The following TRAPPC3L variants were observed in gnomAD, a reference collection of about 807,000 sequenced individuals.
TRAPPC3L encodes trafficking protein particle complex subunit 3-like protein.
TRAPPC3L carries 23 observed loss-of-function variants against 23.7 expected under a neutral mutation model. The observed-to-expected ratio is 0.97, with a 90% confidence interval of 0.70 to 1.37. TRAPPC3L has a LOEUF of 1.37. Ranked by LOEUF, TRAPPC3L falls within the 40% of genes most tolerant of loss-of-function variation. TRAPPC3L has a pLI of 0.00. For missense variants in TRAPPC3L, 212 were observed against 216.8 expected, an observed-to-expected ratio of 0.98 and a Z score of 0.14; for synonymous variants, 81 against 77.9, an observed-to-expected ratio of 1.04 and a Z score of -0.21.
At chr6:116,526,088 A>G (rs1193487046) in intron 3 of TRAPPC3L, among the ~76,000 whole-genome samples, 1 of 152,216 alleles carries the variant, frequency 6.6e-6, no homozygotes, top group Non-Finnish European at 1.5e-5. Context: ...ATATGCTTAC[A>G]AACTGATCCA....
rs1283125147 is a variant in TRAPPC3L, at chr6:116,495,148, C to T, written c.*1806G>A. 1 of 149,974 alleles carries T rather than the reference C, an allele frequency of 6.7e-6. No homozygotes were observed. Among genetic ancestry groups the T allele is most frequent in the African/African-American group, 2.5e-5 (1 of 40,610 alleles). 9.3% of individuals were successfully genotyped at this position (149,974 alleles called of 1,614,324 possible). A position where few individuals can be genotyped will look rare whatever the true frequency, so the allele number is the denominator to read the frequency against. Reference sequence around the variant, plus strand: ...TAACTATATTTTTGTACCCATTAACCATCTCCACTCCTCTTGAAACTACCC... The same window carrying T: ...TAACTATATTTTTGTACCCATTAACTATCTCCACTCCTCTTGAAACTACCC... On this transcript the variant is annotated 3_prime_UTR_variant, in exon 5 of 5. Transcript: ENST00000368602.
At chr6:116,504,869 A>G (rs1771976652) in intron 3 of TRAPPC3L, among the ~76,000 whole-genome samples, 1 of 152,202 alleles carries the variant, frequency 6.6e-6, no homozygotes, top group African/African-American at 2.4e-5. Context: ...AATGTATCTC[A>G]AAATAATAAG....
intron 3 of TRAPPC3L, chr6:116,520,295 ATTCTATTTAGAC>A (rs1772307953): frequency 6.6e-6 from 1 of 152,180 alleles, no homozygotes; most frequent in East Asian, 1.9e-4. Flanking sequence ...TAACTATATT[ATTCTATTTAGAC>A]TTTGGTGGTT....
chr6:116,510,768 A>G (rs1299343592), intron 3 of TRAPPC3L, among the ~76,000 whole-genome samples: 1 of 152,052 alleles, frequency 6.6e-6, no homozygotes, highest in Non-Finnish European at 1.5e-5. Context: ...CAATCTAAGT[A>G]CCCATCAACT....
chr6:116,518,888 A>G (rs969037687), intron 3 of TRAPPC3L: 5 of 152,246 alleles, frequency 3.3e-5, no homozygotes, highest in Non-Finnish European at 7.3e-5. Flanking sequence ...TAAGTAGCAG[A>G]AGAGCTCATC....
intron 3 of TRAPPC3L, chr6:116,512,146 G>A: frequency 6.2e-7 from 1 of 1,613,494 alleles, no homozygotes; most frequent in South Asian, 1.1e-5. Flanking sequence ...AAGAGTGCTG[G>A]GAAGAACTTC....
At chr6:116,502,183 A>G (rs1771927898) in intron 3 of TRAPPC3L, among the ~76,000 whole-genome samples, 1 of 152,208 alleles carries the variant, frequency 6.6e-6, no homozygotes, top group South Asian at 2.1e-4. Context: ...AGCTTAAATG[A>G]CCTGATGGAG....
At chr6:116,527,806 C>CCGGGTATCT (rs1772491455) in intron 3 of TRAPPC3L, among the ~76,000 whole-genome samples, 1 of 152,180 alleles carries the variant, frequency 6.6e-6, no homozygotes, top group Non-Finnish European at 1.5e-5. Context: ...CAAAACTTCT[C>CCGGGTATCT]CCCTAGGAGG....
At chr6:116,522,336 G>A (rs1185515633) in intron 3 of TRAPPC3L, 2 of 152,228 alleles carry the variant, frequency 1.3e-5, no homozygotes, top group Non-Finnish European at 2.9e-5. Flanking sequence ...ATAAATGTTT[G>A]TGGCTTTAAG....
chr6:116,535,685 T>C (rs1007160724), intron 3 of TRAPPC3L, among the ~76,000 whole-genome samples: 1 of 152,260 alleles, frequency 6.6e-6, no homozygotes, highest in African/African-American at 2.4e-5. Context: ...TATTTCATTA[T>C]TACAACTAAA....
At chr6:116,532,825 G>A (rs1045469144) in intron 3 of TRAPPC3L, among the ~76,000 whole-genome samples, 4 of 152,122 alleles carry the variant, frequency 2.6e-5, no homozygotes, top group African/African-American at 9.7e-5. Context: ...TCATAATAAA[G>A]GTAGGTTAAG....
At chr6:116,528,691 C>G (rs1339920363) in intron 3 of TRAPPC3L, among the ~76,000 whole-genome samples, 1 of 152,180 alleles carries the variant, frequency 6.6e-6, no homozygotes, top group Non-Finnish European at 1.5e-5. Context: ...GGAAAATGGT[C>G]TGACATTCAG....
At chr6:116,507,354 T>C (rs1283478174) in intron 3 of TRAPPC3L, among the ~76,000 whole-genome samples, 3 of 152,084 alleles carry the variant, frequency 2.0e-5, no homozygotes, top group African/African-American at 7.2e-5. Flanking sequence ...GGGAAAAATT[T>C]TGGAGTAGCT....
intron 4 of TRAPPC3L, among the ~76,000 whole-genome samples, chr6:116,498,164 G>A (rs1454208357): frequency 6.6e-6 from 1 of 152,120 alleles, no homozygotes; most frequent in African/African-American, 2.4e-5. Context: ...GGATATTTGG[G>A]GACACATGAG....
chr6:116,545,123 A>G (rs779263750), intron 1 of TRAPPC3L, among the ~76,000 whole-genome samples: 1 of 150,736 alleles, frequency 6.6e-6, no homozygotes, highest in African/African-American at 2.4e-5. Context: ...ATATACATAC[A>G]TACATATATA....
chr6:116,534,085 C>G (rs1394757373), intron 3 of TRAPPC3L, among the ~76,000 whole-genome samples: 1 of 150,758 alleles, frequency 6.6e-6, no homozygotes, highest in Non-Finnish European at 1.5e-5. Flanking sequence ...GTACTCAACT[C>G]TCACCCATAA....
chr6:116,516,184 G>T, intron 3 of TRAPPC3L: 1 of 619,790 alleles, frequency 1.6e-6, no homozygotes, highest in Non-Finnish European at 2.5e-6. Flanking sequence ...GCTGAGGGGT[G>T]ACAAAGGTGC....
chr6:116,523,725 C>G (rs542517440), intron 3 of TRAPPC3L: 1 of 152,076 alleles, frequency 6.6e-6, no homozygotes, highest in African/African-American at 2.4e-5. Context: ...TCCTAAGAAG[C>G]TAAACCTAAT....
rs1333031730 is a variant in TRAPPC3L at position 116,539,165 on chromosome 6, A to G, written c.240+1198T>C. Among the ~76,000 whole-genome samples the G allele has an allele frequency of 6.6e-5, 10 of 152,366 alleles. No individual in the cohort carries two copies. The East Asian group carries it at 1.9e-3, about 29-fold the overall frequency. ...ATATTACAAGTATTTACTTTCCATT[A>G]AAACAGCTGGTATTCTTGTAGTATT... On this transcript the variant is annotated intron_variant, in intron 3 of 4. Coordinates refer to ENST00000368602, the MANE Select transcript of TRAPPC3L (RefSeq NM_001139444.3).
Sources: gnomAD v4.1 joint callset for allele counts (sites outside exome capture counted in the v4.1 genomes callset) on GRCh38, gnomAD v4.1.1 for gene constraint, MANE v1.5 for transcripts, NCBI Gene and HGNC (gene_info 2026-07-23, HGNC 2026-07-21) for gene names.